Variants in ANXA10 observed in about 807,000 individuals in gnomAD.
ANXA10 encodes annexin 14.
A neutral mutation model predicts 53.5 loss-of-function variants in ANXA10; 49 were observed. That is an observed-to-expected ratio of 0.92 (90% CI 0.73 to 1.16). ANXA10 has a LOEUF of 1.16. Among genes scored for constraint, ANXA10 ranks in the 50% most tolerant of loss-of-function variants. ANXA10 has a pLI of 0.00. For synonymous variants in ANXA10, 131 were observed against 128.9 expected (o/e 1.02, Z -0.11); for missense variants, 393 against 394.4 (o/e 1.00, Z 0.03).
chr4:168,143,101 A>C (rs562257696), intron 3 of ANXA10, among the ~76,000 whole-genome samples: 8 of 152,264 alleles, frequency 5.3e-5, no homozygotes, highest in African/African-American at 1.9e-4. Flanking sequence ...AAATGAATCT[A>C]CACCAATTGC....
chr4:168,136,087 G>A (rs923124006), intron 2 of ANXA10, among the ~76,000 whole-genome samples: 3 of 152,036 alleles, frequency 2.0e-5, no homozygotes, highest in Non-Finnish European at 2.9e-5. Context: ...GATCTCATGA[G>A]AACTCACTCA....
At chr4:168,167,105 T>C (rs1249723127) in intron 6 of ANXA10, among the ~76,000 whole-genome samples, 2 of 152,204 alleles carry the variant, frequency 1.3e-5, no homozygotes, top group African/African-American at 4.8e-5. Context: ...TTATTGGATT[T>C]GTTTTTAATC....
intron 1 of ANXA10, among the ~76,000 whole-genome samples, chr4:168,106,459 A>G (rs1229809995): frequency 3.3e-5 from 5 of 152,078 alleles, no homozygotes. Flanking sequence ...TGGAAGAAAA[A>G]CCAAAACCTG....
chr4:168,156,317 TAATATATAA>T, intron 3 of ANXA10, among the ~76,000 whole-genome samples: 1 of 98,944 alleles, frequency 1.0e-5, no homozygotes, highest in Admixed American at 1.2e-4. Flanking sequence ...ATAGTATATA[TAATATATAA>T]TATATTATAT....
At position 168,092,630 on chromosome 4, in the gene ANXA10, G is replaced by C; in HGVS notation, c.-71G>C. Reference sequence around the variant, plus strand: ...TAACAGTGAACCTTAATTCTTTCTGGCTTCACAGTGAAACAAGTTTATGCA... The same window carrying C: ...TAACAGTGAACCTTAATTCTTTCTGCCTTCACAGTGAAACAAGTTTATGCA... On this transcript the variant is annotated 5_prime_UTR_variant, in exon 1 of 12. Transcript: ENST00000359299. 1 of 1,418,602 alleles carries C rather than the reference G, an allele frequency of 7.0e-7. No homozygotes were observed. Among genetic ancestry groups the C allele is most frequent in the South Asian group, 1.2e-5 (1 of 81,480 alleles). The allele number at this position is 1,418,602 out of a possible 1,614,324, so 87.9% of individuals were successfully genotyped here.
chr4:168,138,579 C>CT (rs1337866358), intron 2 of ANXA10, among the ~76,000 whole-genome samples: 9 of 152,016 alleles, frequency 5.9e-5, no homozygotes, highest in Non-Finnish European at 8.8e-5. Context: ...TATTCAGGCC[C>CT]TTTTTTGGCT....
chr4:168,119,330 C>A (rs1214743505), intron 1 of ANXA10, among the ~76,000 whole-genome samples: 2 of 152,132 alleles, frequency 1.3e-5, no homozygotes, highest in Admixed American at 1.3e-4. Context: ...TGGAAATAGG[C>A]TGTGATAGGA....
intron 10 of ANXA10, 103 bp downstream of exon 10, chr4:168,181,844 A>C (rs759421637): frequency 1.2e-6 from 1 of 857,774 alleles, no homozygotes; most frequent in Non-Finnish European, 1.9e-6. Context: ...CCATTTTTGA[A>C]CTTGTATGTA....
At chr4:168,127,429 C>G (rs1349281199) in intron 1 of ANXA10, among the ~76,000 whole-genome samples, 1 of 151,864 alleles carries the variant, frequency 6.6e-6, no homozygotes, top group African/African-American at 2.4e-5. Flanking sequence ...TTTTAGGGTC[C>G]CTTATACAGA....
At chr4:168,146,734 C>T (rs1197738797) in intron 3 of ANXA10, among the ~76,000 whole-genome samples, 3 of 152,102 alleles carry the variant, frequency 2.0e-5, no homozygotes, top group African/African-American at 4.8e-5. Flanking sequence ...GTTATCAGAA[C>T]CTGCATTTTT....
At chr4:168,130,846 C>T (rs1460833488) in intron 2 of ANXA10, among the ~76,000 whole-genome samples, 1 of 151,662 alleles carries the variant, frequency 6.6e-6, no homozygotes, top group Non-Finnish European at 1.5e-5. Context: ...CTCTCTCTCT[C>T]TCTGTCTCTG....
chr4:168,166,209 G>A (rs1214805260), intron 6 of ANXA10, among the ~76,000 whole-genome samples: 1 of 152,104 alleles, frequency 6.6e-6, no homozygotes, highest in Non-Finnish European at 1.5e-5. Context: ...TAGAAATCCA[G>A]AATTTGATTG....
At chr4:168,120,627 G>A (rs755230419) in intron 1 of ANXA10, among the ~76,000 whole-genome samples, 29 of 152,042 alleles carry the variant, frequency 1.9e-4, no homozygotes, top group Non-Finnish European at 3.7e-4. Context: ...AACGTTGACA[G>A]GGAGAAGAGG....
intron 10 of ANXA10, among the ~76,000 whole-genome samples, chr4:168,182,871 G>T (rs553393932): frequency 6.7e-6 from 1 of 150,296 alleles, no homozygotes; most frequent in East Asian, 2.0e-4. Context: ...TTAGCCGGGC[G>T]TGGTTGCAGG....
chr4:168,159,997 C>T (rs1033110178), intron 3 of ANXA10, among the ~76,000 whole-genome samples: 4 of 151,998 alleles, frequency 2.6e-5, no homozygotes, highest in East Asian at 1.9e-4. Flanking sequence ...TTTTAAACAC[C>T]GTTCAGATTT....
intron 3 of ANXA10, among the ~76,000 whole-genome samples, chr4:168,140,791 T>G (rs1731313665): frequency 6.6e-6 from 1 of 152,112 alleles, no homozygotes; most frequent in African/African-American, 2.4e-5. Context: ...GCTAATTTTT[T>G]GTATTTTTAG....
intron 6 of ANXA10, among the ~76,000 whole-genome samples, chr4:168,174,563 C>T (rs1046236326): frequency 2.0e-5 from 3 of 152,204 alleles, no homozygotes; most frequent in African/African-American, 7.2e-5. Flanking sequence ...GGGCAGGGTA[C>T]CTCCTGCCAC....
chr4:168,173,070 A>G (rs747043395), intron 6 of ANXA10, among the ~76,000 whole-genome samples: 6 of 152,194 alleles, frequency 3.9e-5, no homozygotes, highest in Non-Finnish European at 7.3e-5. Context: ...GATTACAGGC[A>G]TGAGCCACTG....
chr4:168,155,835 T>TTATATATGA (rs1731631296), intron 3 of ANXA10, among the ~76,000 whole-genome samples: 1 of 9,028 alleles, frequency 1.1e-4, no homozygotes, highest in African/African-American at 6.2e-4. Context: ...ATATGATATA[T>TTATATATGA]CATATATAAT....
Sources: gnomAD v4.1 joint callset for allele counts (sites outside exome capture counted in the v4.1 genomes callset) on GRCh38, gnomAD v4.1.1 for gene constraint, MANE v1.5 for transcripts, NCBI Gene and HGNC (gene_info 2026-07-23, HGNC 2026-07-21) for gene names.